The following DESI2 variants were observed in gnomAD, a reference collection of about 807,000 sequenced individuals.
DESI2 encodes desumoylating isopeptidase 2, also known as deubiquitinase DESI2.
Under a neutral mutation model 24.1 loss-of-function variants are expected in DESI2, and 10 were observed. That is an observed-to-expected ratio of 0.41 (90% CI 0.26 to 0.70). DESI2 has a LOEUF of 0.70. DESI2 is among the 30% of genes least tolerant of loss of function. DESI2 has a pLI of 0.29. For synonymous variants in DESI2, 71 were observed against 87.7 expected (o/e 0.81, Z 1.06); for missense variants, 122 against 234.9 (o/e 0.52, Z 3.14).
intron 4 of DESI2, chr1:244,694,690 G>C (rs930873715): frequency 1.3e-6 from 1 of 744,250 alleles, no homozygotes; most frequent in African/African-American, 1.7e-5. Flanking sequence ...TTATTGCGAC[G>C]CTTTCCAAAC....
intron 1 of DESI2, among the ~76,000 whole-genome samples, chr1:244,663,213 T>C (rs1322057569): frequency 2.6e-5 from 4 of 151,512 alleles, no homozygotes; most frequent in Non-Finnish European, 5.9e-5. Flanking sequence ...TGACATGGAG[T>C]CTCGCTCTGT....
chr1:244,691,885 T>A lies in DESI2; in HGVS notation c.216T>A (p.Ala72=). 1 of 1,560,350 alleles carries A rather than the reference T, an allele frequency of 6.4e-7. No individual in the cohort carries two copies. The highest frequency in any genetic ancestry group is 8.6e-7 in the Non-Finnish European group (1 of 1,164,508). The part of the protein sequence containing the change: ...ELGETFKFKE[A]VVLGSTDFLE... ...TTTCTTTTTGTTCTTTAAGAGAAGC[T>A]GTTGTTTTAGGGAGCACGGACTTCC... Residue 72 remains alanine (A), a synonymous_variant, in exon 4 of 5, where the codon GCT becomes GCA. Transcript: ENST00000302550.
chr1:244,676,503 A>T (rs1258628936), intron 1 of DESI2, among the ~76,000 whole-genome samples: 1 of 152,012 alleles, frequency 6.6e-6, no homozygotes, highest in Non-Finnish European at 1.5e-5. Flanking sequence ...CTGCAAAATG[A>T]GATAATTTTA....
chr1:244,672,649 C>T (rs543462202), intron 1 of DESI2, among the ~76,000 whole-genome samples: 37 of 152,200 alleles, frequency 2.4e-4, no homozygotes, highest in African/African-American at 3.1e-4. Flanking sequence ...GAGGCCAAGG[C>T]GGGCGGATCA....
chr1:244,670,742 A>G (rs746811223), intron 1 of DESI2, among the ~76,000 whole-genome samples: 19 of 152,222 alleles, frequency 1.2e-4, no homozygotes, highest in Non-Finnish European at 2.1e-4. Context: ...AGAATCAAAC[A>G]CTTTTTGAGA....
intron 1 of DESI2, chr1:244,653,984 C>T: frequency 2.1e-6 from 1 of 471,168 alleles, no homozygotes; most frequent in Non-Finnish European, 4.4e-6. Flanking sequence ...TTTAGAGATC[C>T]TGGTGGTGCT....
intron 4 of DESI2, 50 bp from the exon 5 acceptor site, chr1:244,705,506 A>G (rs756755760): frequency 2.7e-6 from 4 of 1,507,742 alleles, no homozygotes; most frequent in Non-Finnish European, 3.7e-6. Flanking sequence ...GCAGTGGACC[A>G]GGTAATCTTA....
intron 1 of DESI2, among the ~76,000 whole-genome samples, chr1:244,679,110 C>G (rs908881413): frequency 2.0e-5 from 3 of 152,064 alleles, no homozygotes; most frequent in African/African-American, 7.2e-5. Flanking sequence ...ACAATCACAG[C>G]TCACTGAAGC....
chr1:244,696,310 G>C (rs1370005329), intron 4 of DESI2, among the ~76,000 whole-genome samples: 5 of 152,182 alleles, frequency 3.3e-5, no homozygotes, highest in Non-Finnish European at 1.5e-5. Context: ...TGGTCACCCT[G>C]AGATACATTC....
At chr1:244,702,349 A>C (rs546109977) in intron 4 of DESI2, among the ~76,000 whole-genome samples, 1 of 152,234 alleles carries the variant, frequency 6.6e-6, no homozygotes, top group Non-Finnish European at 1.5e-5. Flanking sequence ...CGCCGTCTCT[A>C]CTAAAAATAC....
intron 1 of DESI2, among the ~76,000 whole-genome samples, chr1:244,663,188 T>C (rs1438094775): frequency 6.6e-6 from 1 of 152,058 alleles, no homozygotes; most frequent in East Asian, 1.9e-4. Context: ...TGCAGTTTTT[T>C]TTTTTCCTTT....
chr1:244,653,360 GTGCGGCCCCT>G lies in DESI2; in HGVS notation c.42+6_42+15del. 1 of 1,544,960 alleles carries G rather than the reference GTGCGGCCCCT, an allele frequency of 6.5e-7. No homozygotes were observed. The highest frequency in any genetic ancestry group is 8.7e-7 in the Non-Finnish European group (1 of 1,152,746). On this transcript the variant is annotated splice_donor_region_variant and intron_variant, in intron 1 of 4. Transcript: ENST00000302550. ...GTGCTCAACGTGTACGACATGGTGAGTGCGGCCCCTGGCGGCCCCGAGCCCTGGCCCAGGC... is the reference window on the plus strand; with the variant it reads ...GTGCTCAACGTGTACGACATGGTGAGGGCGGCCCCGAGCCCTGGCCCAGGC...
chr1:244,703,807 C>T (rs563431084), intron 4 of DESI2, among the ~76,000 whole-genome samples: 169 of 152,072 alleles, frequency 1.1e-3, no homozygotes, highest in African/African-American at 3.9e-3. Context: ...TACAGGTGCC[C>T]GCCACCACGC....
rs1411999123 is a variant in DESI2, at chr1:244,655,743, A to T, written c.42+2388A>T. Among the ~76,000 whole-genome samples the T allele has an allele frequency of 2.0e-5, 3 of 152,378 alleles. No homozygotes were observed. In the East Asian group the frequency reaches 5.8e-4, roughly 29 times the overall value. ...CATCCACAAGGACAGAGAACAATTG[A>T]CGTGAACAAAATGGCAGGAATAGGG... is the stretch of plus-strand genomic sequence containing the variant. On this transcript the variant is annotated intron_variant, in intron 1 of 4. Transcript: ENST00000302550.
intron 1 of DESI2, among the ~76,000 whole-genome samples, chr1:244,674,967 A>T (rs1297215848): frequency 6.6e-6 from 1 of 152,232 alleles, no homozygotes; most frequent in African/African-American, 2.4e-5. Flanking sequence ...AACATGATAC[A>T]TTCCCACCAG....
At chr1:244,690,873 G>A in intron 3 of DESI2, among the ~76,000 whole-genome samples, 1 of 152,188 alleles carries the variant, frequency 6.6e-6, no homozygotes, top group East Asian at 1.9e-4. Flanking sequence ...TAAGTTCATA[G>A]TTCTCTTAGC....
intron 1 of DESI2, among the ~76,000 whole-genome samples, chr1:244,662,849 C>T (rs1448300424): frequency 6.6e-6 from 1 of 152,160 alleles, no homozygotes; most frequent in Non-Finnish European, 1.5e-5. Context: ...AATCGGGCCA[C>T]ATGCTACCTG....
At chr1:244,653,689 C>T in intron 1 of DESI2, 1 of 428,372 alleles carries the variant, frequency 2.3e-6, no homozygotes. Context: ...GTTGCGTTTC[C>T]AACCCCACTT....
In DESI2 at chr1:244,708,773, C is replaced by T. The variant is rs903316057; in HGVS notation, c.*2984C>T. 2.0e-5 allele frequency: 3 copies of T among 152,604 alleles called. No homozygotes were observed. Among genetic ancestry groups the T allele is most frequent in the Non-Finnish European group, 4.4e-5 (3 of 68,024 alleles). The allele number at this position is 152,604 out of a possible 1,614,324, so 9.5% of individuals were successfully genotyped here. A position where few individuals can be genotyped will look rare whatever the true frequency, so the allele number is the denominator to read the frequency against. Reference sequence around the variant, plus strand: ...TCTTTCTCTTCAGTATGGTTTAGAGCCCAGATCAGTTAGTAGGCTTTCGTT... The same window carrying T: ...TCTTTCTCTTCAGTATGGTTTAGAGTCCAGATCAGTTAGTAGGCTTTCGTT... On this transcript the variant is annotated 3_prime_UTR_variant, in exon 5 of 5. Transcript: ENST00000302550.
Sources: allele counts gnomAD v4.1 joint callset (sites outside exome capture counted in the v4.1 genomes callset), GRCh38; gene constraint gnomAD v4.1.1; transcripts MANE v1.5; gene names NCBI Gene and HGNC (gene_info 2026-07-23, HGNC 2026-07-21).